DNAAF1: variants seen among roughly 807,000 people sequenced by gnomAD.
The protein encoded by DNAAF1 is dynein assembly factor 1, axonemal.
Under a neutral mutation model 71.1 loss-of-function variants are expected in DNAAF1, and 65 were observed. The observed-to-expected ratio is 0.91, with a 90% CI of 0.75 to 1.12. DNAAF1 has a LOEUF of 1.12. Among genes scored for constraint, DNAAF1 ranks in the 50% most tolerant of loss-of-function variants. The pLI is 0.00. For synonymous variants in DNAAF1, 414 were observed against 354.6 expected (o/e 1.17, Z -1.88); for missense variants, 1,178 against 899.8 (o/e 1.31, Z -3.96).
intron 5 of DNAAF1, among the ~76,000 whole-genome samples, chr16:84,157,993 G>A (rs2087521692): frequency 6.6e-6 from 1 of 152,146 alleles, no homozygotes; most frequent in South Asian, 2.1e-4. Context: ...AGATCACGAG[G>A]TCGGGAGATC....
intron 7 of DNAAF1, among the ~76,000 whole-genome samples, chr16:84,167,350 C>A (rs1052995017): frequency 6.6e-5 from 10 of 152,156 alleles, no homozygotes; most frequent in African/African-American, 2.2e-4. Flanking sequence ...CTGAACCCCA[C>A]AGTTTAGGGG....
chr16:84,156,567 A>G (rs1328717384), intron 5 of DNAAF1, among the ~76,000 whole-genome samples: 3 of 152,214 alleles, frequency 2.0e-5, no homozygotes, highest in African/African-American at 7.2e-5. Flanking sequence ...TCTAGCCATT[A>G]TGAAGTTCCC....
At chr16:84,148,844 C>T (rs2087050155) in intron 1 of DNAAF1, among the ~76,000 whole-genome samples, 163 bp from the exon 2 acceptor site, 1 of 151,712 alleles carries the variant, frequency 6.6e-6, no homozygotes, top group Admixed American at 6.6e-5. Flanking sequence ...CCTGCCTCAG[C>T]CTCCCAAAGA....
At chr16:84,152,975 C>T (rs2087254743) in intron 3 of DNAAF1, among the ~76,000 whole-genome samples, 1 of 149,312 alleles carries the variant, frequency 6.7e-6, no homozygotes, top group Non-Finnish European at 1.5e-5. Flanking sequence ...AAAAAAGTGA[C>T]TTAAGAGACA....
In DNAAF1 at chr16:84,156,210, G is replaced by A. The variant is rs551910360; in HGVS notation, c.741+461G>A. Among the ~76,000 whole-genome samples, 47 of 152,230 alleles carry A rather than the reference G, an allele frequency of 3.1e-4. 1 individual carries two copies. The highest frequency in any genetic ancestry group is 2.7e-3 in the Admixed American group (41 of 15,292). Reference sequence around the variant, plus strand: ...ACTCCTGACCTTGAGTGATCCACCCGCCTCAACCTCCCAAAGTGCTGGGAT... The same window carrying A: ...ACTCCTGACCTTGAGTGATCCACCCACCTCAACCTCCCAAAGTGCTGGGAT... On this transcript the variant is annotated intron_variant, in intron 5 of 11. Coordinates refer to ENST00000378553, the MANE Select transcript of DNAAF1 (RefSeq NM_178452.6).
intron 6 of DNAAF1, among the ~76,000 whole-genome samples, chr16:84,163,104 A>C (rs146335709): frequency 6.6e-6 from 1 of 152,178 alleles, no homozygotes; most frequent in East Asian, 1.9e-4. Flanking sequence ...TTGTCCATCA[A>C]CTTTCAGAAA....
Position 84,177,263 on chromosome 16 carries a change from A to T in DNAAF1, c.2066-466A>T, listed in dbSNP as rs1433694897. ...CCTCGGGCGGGGGCAGGCCTGGAGG[A>T]CGTTGAATAATTTGTTTTTGTTTGT... On this transcript the variant is annotated intron_variant, in intron 11 of 11. Transcript: ENST00000378553. 3 of 252,482 alleles carry T rather than the reference A, an allele frequency of 1.2e-5. No individual in the cohort carries two copies. In the East Asian group the frequency reaches 2.9e-4, roughly 25 times the overall value. 15.6% of individuals were successfully genotyped at this position (252,482 alleles called of 1,614,324 possible). A position where few individuals can be genotyped will look rare whatever the true frequency, so the allele number is the denominator to read the frequency against.
In DNAAF1 at chr16:84,176,200, T is replaced by C; in HGVS notation, c.1966T>C (p.Ser656Pro). ...LIQELSDEDP[S>P]GQLLMPPTCQ... ...CCAGGAGCTCAGCGACGAGGACCCCTCTGGCCAGCTACTGATGCCCCCCAC... is the reference window on the plus strand; with the variant it reads ...CCAGGAGCTCAGCGACGAGGACCCCCCTGGCCAGCTACTGATGCCCCCCAC... The change falls in exon 11 of 12, where the codon TCT (serine) becomes CCT (proline). Residue 656 changes from serine to proline, a missense_variant. Transcript: ENST00000378553. The C allele has an allele frequency of 6.2e-7, 1 of 1,613,852 alleles. No homozygotes were observed. Among genetic ancestry groups the C allele is most frequent in the South Asian group, 1.1e-5 (1 of 91,084 alleles).
At chr16:84,152,866 A>T (rs1321648820) in intron 3 of DNAAF1, among the ~76,000 whole-genome samples, 1 of 151,922 alleles carries the variant, frequency 6.6e-6, no homozygotes, top group East Asian at 1.9e-4. Flanking sequence ...CTGAGACAGG[A>T]GAATCACTTG....
Position 84,176,110 on chromosome 16 carries a change from A to G in DNAAF1, c.1876A>G (p.Lys626Glu), listed in dbSNP as rs1489377964. The change falls in exon 11 of 12, where the codon AAA becomes GAA. Residue 626 changes from lysine (K) to glutamate (E), a missense_variant. By Grantham distance (56) the Lys-to-Glu change is moderately conservative. Transcript: ENST00000378553. The stretch of plus-strand genomic sequence containing the variant: ...TCGGGTGCCCTTCACAGACATCTTT[A>G]AAAAAGAAGCTAAGAGGGACTTGGA... ...AARVPFTDIF[K>E]KEAKRDLEIR... The G allele has an allele frequency of 6.2e-7, 1 of 1,613,956 alleles. No individual in the cohort carries two copies. The highest frequency in any genetic ancestry group is 1.3e-5 in the African/African-American group (1 of 75,022).
chr16:84,153,970 C>T (rs958264093), intron 3 of DNAAF1, among the ~76,000 whole-genome samples: 2 of 152,066 alleles, frequency 1.3e-5, no homozygotes, highest in Non-Finnish European at 1.5e-5. Flanking sequence ...CCCTAGGATT[C>T]ATCAAAGTTC....
At chr16:84,151,408 A>G (rs2151212997) in intron 3 of DNAAF1, among the ~76,000 whole-genome samples, 2 of 152,236 alleles carry the variant, frequency 1.3e-5, no homozygotes, top group African/African-American at 4.8e-5. Context: ...CCTCACCTCC[A>G]CTTTTGCCCA....
chr16:84,156,435 A>G (rs1349650979), intron 5 of DNAAF1, among the ~76,000 whole-genome samples: 2 of 152,022 alleles, frequency 1.3e-5, no homozygotes, highest in Non-Finnish European at 2.9e-5. Context: ...TCCATATTTC[A>G]CCTTGAGGTG....
At chr16:84,162,475 G>C (rs1287971181) in intron 6 of DNAAF1, among the ~76,000 whole-genome samples, 1 of 151,756 alleles carries the variant, frequency 6.6e-6, no homozygotes, top group Non-Finnish European at 1.5e-5. Context: ...TATATTCACA[G>C]AGTTGTGCAA....
chr16:84,155,548 C>T, intron 4 of DNAAF1, 35 bp from the exon 5 acceptor site: 1 of 1,613,120 alleles, frequency 6.2e-7, no homozygotes. Context: ...ATTTTTATGC[C>T]TTTGTTTTTG....
chr16:84,174,818 T>C (rs1232790420), intron 10 of DNAAF1, 96 bp downstream of exon 10: 2 of 1,487,530 alleles, frequency 1.3e-6, no homozygotes, highest in Admixed American at 3.5e-5. Context: ...AAGTAAAATG[T>C]TCCCTGTGCA....
At chr16:84,161,986 G>T (rs949365393) in intron 6 of DNAAF1, among the ~76,000 whole-genome samples, 1 of 152,158 alleles carries the variant, frequency 6.6e-6, no homozygotes, top group East Asian at 1.9e-4. Context: ...CTGGCATGTA[G>T]CAGGCAACAG....
chr16:84,157,768 CTG>C (rs575487834), intron 5 of DNAAF1, among the ~76,000 whole-genome samples: 29 of 152,288 alleles, frequency 1.9e-4, no homozygotes, highest in Middle Eastern at 3.4e-3. Flanking sequence ...CAGGAACAAT[CTG>C]TAGTGTGTAC....
intron 5 of DNAAF1, among the ~76,000 whole-genome samples, chr16:84,157,830 C>T (rs1411427334): frequency 6.6e-6 from 1 of 152,142 alleles, no homozygotes; most frequent in South Asian, 2.1e-4. Flanking sequence ...ATAGAAAGCT[C>T]TATTATATTA....
Sources: gnomAD v4.1 joint callset for allele counts (sites outside exome capture counted in the v4.1 genomes callset) on GRCh38, gnomAD v4.1.1 for gene constraint, MANE v1.5 for transcripts, NCBI Gene and HGNC (gene_info 2026-07-23, HGNC 2026-07-21) for gene names.